SGCZ: variants seen among roughly 807,000 people sequenced by gnomAD.
The protein encoded by SGCZ is sarcoglycan zeta, also known as zeta-sarcoglycan.
In SGCZ, 40 loss-of-function variants were observed where a neutral mutation model predicts 41.3. The ratio of observed to expected loss-of-function variants is 0.97; its 90% CI spans 0.75 to 1.26. SGCZ has a LOEUF of 1.26. SGCZ is among the 50% of genes most tolerant of loss of function. The pLI, the probability that SGCZ is intolerant of heterozygous loss-of-function variation, is 0.00. For missense variants in SGCZ, 552 were observed against 369.8 expected (o/e 1.49, Z -4.04); for synonymous variants, 206 against 137.5 (o/e 1.50, Z -3.49).
At chr8:14,864,723 T>C (rs1241774592) in intron 1 of SGCZ, among the ~76,000 whole-genome samples, 3 of 152,138 alleles carry the variant, frequency 2.0e-5, no homozygotes, top group Non-Finnish European at 4.4e-5. Context: ...GACCATTCTA[T>C]TTTTAGCTTT....
intron 2 of SGCZ, among the ~76,000 whole-genome samples, chr8:14,364,000 C>G (rs1216897350): frequency 6.6e-6 from 1 of 152,100 alleles, no homozygotes; most frequent in East Asian, 1.9e-4. Context: ...TTATGCAATA[C>G]TGTCAACACC....
chr8:14,925,702 C>T lies in SGCZ; in HGVS notation c.39+311883G>A, dbSNP rs568534596. ...TGGCAAGGTTTGAGTCCCTCAGACA[C>T]GACAATACTTTCAATTTCCAGGGTT... is the stretch of plus-strand genomic sequence containing the variant. On this transcript the variant is annotated intron_variant, in intron 1 of 7. Coordinates refer to ENST00000382080, the MANE Select transcript of SGCZ (RefSeq NM_139167.4). Among the ~76,000 whole-genome samples the T allele has an allele frequency of 7.9e-5, 12 of 152,282 alleles. No individual in the cohort carries two copies. The East Asian group carries it at 9.6e-4, about 12-fold the overall frequency.
chr8:15,061,519 C>G (rs1804929455), intron 1 of SGCZ, among the ~76,000 whole-genome samples: 1 of 139,716 alleles, frequency 7.2e-6, no homozygotes, highest in Non-Finnish European at 1.5e-5. Context: ...TATCCCAGAA[C>G]TTACAGTATA....
chr8:14,527,301 AGTTT>A (rs1349514996), intron 2 of SGCZ, among the ~76,000 whole-genome samples: 1 of 151,922 alleles, frequency 6.6e-6, no homozygotes, highest in Non-Finnish European at 1.5e-5. Flanking sequence ...TTTGTTTTTC[AGTTT>A]GTTTGTTTGT....
chr8:14,663,667 T>G lies in SGCZ; in HGVS notation c.40-108741A>C, dbSNP rs11203653. Among the ~76,000 whole-genome samples, 8 of 152,124 alleles carry G rather than the reference T, an allele frequency of 5.3e-5. No individual in the cohort carries two copies. In the South Asian group the frequency reaches 1.7e-3, roughly 32 times the overall value. On this transcript the variant is annotated intron_variant, in intron 1 of 7. Coordinates refer to ENST00000382080, the MANE Select transcript of SGCZ (RefSeq NM_139167.4). ...CTCATTAAAATGAGCTACTTTTATT[T>G]TTTTCACAGGCTTATAGCCTTCAAC...
At chr8:14,450,419 G>A (rs1455607758) in intron 2 of SGCZ, among the ~76,000 whole-genome samples, 1 of 152,150 alleles carries the variant, frequency 6.6e-6, no homozygotes, top group African/African-American at 2.4e-5. Context: ...CAACATAAAG[G>A]GTCAGGAGGG....
intron 1 of SGCZ, among the ~76,000 whole-genome samples, chr8:14,635,045 T>G (rs1877019): frequency 0.29 from 43,722 of 151,214 alleles, 7,380 homozygotes; most frequent in East Asian, 0.63. Flanking sequence ...TATGTTGATT[T>G]ATATTGAAAT....
At chr8:14,698,195 T>C (rs1409343388) in intron 1 of SGCZ, among the ~76,000 whole-genome samples, 3 of 152,010 alleles carry the variant, frequency 2.0e-5, no homozygotes, top group Non-Finnish European at 4.4e-5. Flanking sequence ...TGTTTGGTTA[T>C]TTTTAGCATC....
intron 5 of SGCZ, among the ~76,000 whole-genome samples, chr8:14,112,039 T>C (rs933105571): frequency 3.3e-5 from 5 of 152,120 alleles, no homozygotes; most frequent in Admixed American, 1.3e-4. Context: ...TCCATGTATT[T>C]TTTACAGAAG....
chr8:14,275,735 C>T (rs1443877543), intron 3 of SGCZ, among the ~76,000 whole-genome samples: 4 of 152,242 alleles, frequency 2.6e-5, no homozygotes. Flanking sequence ...CTGGAGATCC[C>T]TACCGTGCAG....
intron 2 of SGCZ, among the ~76,000 whole-genome samples, chr8:14,482,391 G>A (rs1243701290): frequency 5.3e-5 from 8 of 152,160 alleles, no homozygotes; most frequent in Admixed American, 5.2e-4. Context: ...TCAGAGTTAT[G>A]GGTAAAACAC....
intron 1 of SGCZ, among the ~76,000 whole-genome samples, chr8:14,764,444 T>G (rs1359721449): frequency 6.6e-6 from 1 of 152,176 alleles, no homozygotes; most frequent in African/African-American, 2.4e-5. Flanking sequence ...AATAACAGAA[T>G]AAACTGACAT....
intron 1 of SGCZ, among the ~76,000 whole-genome samples, chr8:14,865,804 T>A (rs1267048054): frequency 6.6e-6 from 1 of 152,120 alleles, no homozygotes; most frequent in East Asian, 1.9e-4. Context: ...ATTAAAGGAA[T>A]TCTCTGGTGA....
rs895728802 is a variant in SGCZ at position 14,313,928 on chromosome 8, G to C, written c.336+10175C>G. ...CATCTCTCTGTGTGTGTGTGTGTGT[G>C]TGTGTGTGTGTGTGTGTGTGTGTGT... On this transcript the variant is annotated intron_variant, in intron 3 of 7. Coordinates refer to ENST00000382080, the MANE Select transcript of SGCZ (RefSeq NM_139167.4). 4.1e-4 allele frequency among the ~76,000 whole-genome samples: 62 copies of C among 150,880 alleles called. No homozygotes were observed. The South Asian group carries it at 5.9e-3, about 14-fold the overall frequency.
chr8:14,104,629 C>T (rs1476712137), intron 6 of SGCZ, among the ~76,000 whole-genome samples: 1 of 152,048 alleles, frequency 6.6e-6, no homozygotes, highest in East Asian at 1.9e-4. Context: ...ATGTTCTTCT[C>T]ATAGGTAGAA....
At chr8:14,517,003 C>T (rs1486479335) in intron 2 of SGCZ, among the ~76,000 whole-genome samples, 5 of 151,920 alleles carry the variant, frequency 3.3e-5, no homozygotes, top group African/African-American at 4.8e-5. Flanking sequence ...AGCCAGGAAC[C>T]AGGAAGTCAA....
At chr8:14,461,113 T>C (rs1304189836) in intron 2 of SGCZ, among the ~76,000 whole-genome samples, 2 of 152,076 alleles carry the variant, frequency 1.3e-5, no homozygotes, top group Non-Finnish European at 2.9e-5. Context: ...GCTATCCTCA[T>C]CCAATCAGGT....
intron 1 of SGCZ, among the ~76,000 whole-genome samples, chr8:15,099,599 C>T (rs940486828): frequency 3.9e-5 from 6 of 152,244 alleles, no homozygotes; most frequent in African/African-American, 1.4e-4. Flanking sequence ...AAACACTTCT[C>T]ATAACTAAGT....
intron 1 of SGCZ, among the ~76,000 whole-genome samples, chr8:15,204,984 G>T (rs562220279): frequency 1.3e-5 from 2 of 152,072 alleles, no homozygotes; most frequent in African/African-American, 4.8e-5. Context: ...TAGGTGATGA[G>T]AAATAAGCAC....
Sources: gnomAD v4.1 joint callset for allele counts (sites outside exome capture counted in the v4.1 genomes callset) on GRCh38, gnomAD v4.1.1 for gene constraint, MANE v1.5 for transcripts, NCBI Gene and HGNC (gene_info 2026-07-23, HGNC 2026-07-21) for gene names.